Variants in GALNT13 observed in about 807,000 individuals in gnomAD.
GALNT13 encodes the protein UDP-GalNAc:polypeptide N-acetylgalactosaminyltransferase 13.
A neutral mutation model predicts 64.2 loss-of-function variants in GALNT13; 28 were observed. That is an observed-to-expected ratio of 0.44 (90% CI 0.32 to 0.60). GALNT13 has a LOEUF of 0.60. Ranked by LOEUF, GALNT13 falls within the 20% of genes least tolerant of loss-of-function variation. The pLI, the probability that GALNT13 is intolerant of heterozygous loss-of-function variation, is 0.05. For missense variants in GALNT13, 577 were observed against 669.8 expected (o/e 0.86, Z 1.53); for synonymous variants, 214 against 224.6 (o/e 0.95, Z 0.42).
chr2:153,489,890 G>A, the GALNT13 span, among the ~76,000 whole-genome samples: 6 of 152,078 alleles, frequency 3.9e-5, no homozygotes, highest in African/African-American at 1.4e-4. Flanking sequence ...TCACTGAGGT[G>A]GGAGGATTAT....
chr2:153,830,061 A>C, the GALNT13 span, among the ~76,000 whole-genome samples: 1 of 152,166 alleles, frequency 6.6e-6, no homozygotes, highest in Non-Finnish European at 1.5e-5. Flanking sequence ...TTTAGAAGTA[A>C]AACAATCATT....
the GALNT13 span, among the ~76,000 whole-genome samples, chr2:153,668,423 T>G: frequency 1.3e-5 from 2 of 152,048 alleles, no homozygotes; most frequent in Non-Finnish European, 2.9e-5. Flanking sequence ...TATAGTGCAG[T>G]AAATAGAGAA....
chr2:154,238,224 C>A (rs1258303677), intron 4 of GALNT13, among the ~76,000 whole-genome samples: 1 of 151,994 alleles, frequency 6.6e-6, no homozygotes, highest in East Asian at 1.9e-4. Context: ...GAGTTATATG[C>A]TAAATGTTTG....
chr2:153,194,532 A>C, the GALNT13 span, among the ~76,000 whole-genome samples: 16 of 152,172 alleles, frequency 1.1e-4, no homozygotes, highest in Admixed American at 3.3e-4. Flanking sequence ...ATCTGACTGC[A>C]CTTCTTTAAT....
chr2:154,431,381 AAG>A (rs748199822), intron 11 of GALNT13, among the ~76,000 whole-genome samples: 1 of 152,186 alleles, frequency 6.6e-6, no homozygotes, highest in African/African-American at 2.4e-5. Flanking sequence ...GTCATGAAAA[AAG>A]AGTATTTTAA....
chr2:153,591,366 G>A, the GALNT13 span, among the ~76,000 whole-genome samples: 1 of 152,014 alleles, frequency 6.6e-6, no homozygotes, highest in Non-Finnish European at 1.5e-5. Context: ...TCATTAAAAT[G>A]ACCATAACAT....
the GALNT13 span, among the ~76,000 whole-genome samples, chr2:153,371,561 C>A: frequency 6.6e-6 from 1 of 151,896 alleles, no homozygotes; most frequent in Non-Finnish European, 1.5e-5. Flanking sequence ...TTTATGATAC[C>A]ATAATAAACA....
chr2:153,745,799 C>T, the GALNT13 span, among the ~76,000 whole-genome samples: 1,128 of 152,232 alleles, frequency 7.4e-3, 15 homozygotes, highest in African/African-American at 0.026. Flanking sequence ...TGGCTCACTG[C>T]AGCCTGGACT....
chr2:154,305,755 C>T (rs1399573537), intron 9 of GALNT13, among the ~76,000 whole-genome samples: 2 of 152,210 alleles, frequency 1.3e-5, no homozygotes, highest in Admixed American at 1.3e-4. Context: ...CTTGAACTGT[C>T]TGGGCATTCT....
the GALNT13 span, among the ~76,000 whole-genome samples, chr2:153,277,918 C>CTT: frequency 1.0e-4 from 4 of 39,224 alleles, no homozygotes; most frequent in African/African-American, 2.0e-4. Context: ...CTTTTGTTTT[C>CTT]TTTTCTTTCT....
intron 7 of GALNT13, among the ~76,000 whole-genome samples, chr2:154,252,994 A>T (rs1317446497): frequency 6.6e-6 from 1 of 152,226 alleles, no homozygotes; most frequent in Non-Finnish European, 1.5e-5. Context: ...AAAACAATAA[A>T]AATGAAGCAA....
chr2:154,155,985 A>G (rs924527218), intron 4 of GALNT13, among the ~76,000 whole-genome samples: 1 of 151,930 alleles, frequency 6.6e-6, no homozygotes, highest in Non-Finnish European at 1.5e-5. Context: ...TTCGACGTAT[A>G]TTTATGTATT....
the GALNT13 span, among the ~76,000 whole-genome samples, chr2:153,645,385 A>T: frequency 6.6e-6 from 1 of 152,198 alleles, no homozygotes; most frequent in East Asian, 1.9e-4. Flanking sequence ...TTTTTTCTGT[A>T]TACATTTAAC....
chr2:153,823,399 C>A, the GALNT13 span, among the ~76,000 whole-genome samples: 1 of 152,152 alleles, frequency 6.6e-6, no homozygotes, highest in Admixed American at 6.5e-5. Flanking sequence ...GTAACCAAAA[C>A]AGCATGGTAC....
chr2:153,262,177 C>G, the GALNT13 span, among the ~76,000 whole-genome samples: 5,345 of 152,220 alleles, frequency 0.035, 339 homozygotes, highest in African/African-American at 0.12. Flanking sequence ...TGGATCATAC[C>G]TGAAGCCAGC....
At chr2:153,661,734 T>C in the GALNT13 span, among the ~76,000 whole-genome samples, 1 of 152,226 alleles carries the variant, frequency 6.6e-6, no homozygotes, top group African/African-American at 2.4e-5. Flanking sequence ...CCACATAATA[T>C]ATCATCAATA....
the GALNT13 span, among the ~76,000 whole-genome samples, chr2:153,722,638 C>T: frequency 6.6e-6 from 1 of 152,256 alleles, no homozygotes; most frequent in East Asian, 1.9e-4. Context: ...ACCGATCCCA[C>T]AGAAATACAA....
the GALNT13 span, among the ~76,000 whole-genome samples, chr2:153,223,676 C>T: frequency 6.6e-6 from 1 of 152,052 alleles, no homozygotes; most frequent in Non-Finnish European, 1.5e-5. Context: ...GATATGGCCA[C>T]ATATGGGCAG....
the GALNT13 span, among the ~76,000 whole-genome samples, chr2:153,234,803 A>G: frequency 6.6e-6 from 1 of 152,112 alleles, no homozygotes; most frequent in Admixed American, 6.6e-5. Context: ...CTAATTTTGA[A>G]AGGTCACTGG....
Sources: allele counts gnomAD v4.1 joint callset (sites outside exome capture counted in the v4.1 genomes callset), GRCh38; gene constraint gnomAD v4.1.1; transcripts MANE v1.5; gene names NCBI Gene and HGNC (gene_info 2026-07-23, HGNC 2026-07-21).